The following PXK variants were observed in gnomAD, a reference collection of about 807,000 sequenced individuals.
PXK encodes PX domain containing serine/threonine kinase like.
A neutral mutation model predicts 84.7 loss-of-function variants in PXK; 35 were observed. The observed-to-expected ratio is 0.41, with a 90% confidence interval of 0.32 to 0.55. The LOEUF is 0.55. PXK is among the 20% of genes least tolerant of loss of function. PXK has a pLI of 0.21. For synonymous variants in PXK, 253 were observed against 260.8 expected (o/e 0.97, Z 0.29); for missense variants, 634 against 699.7 (o/e 0.91, Z 1.06).
At chr3:58,334,893 C>T (rs1044231438) in intron 1 of PXK, among the ~76,000 whole-genome samples, 8 of 150,780 alleles carry the variant, frequency 5.3e-5, no homozygotes, top group African/African-American at 1.5e-4. Context: ...AGCTAGGTGG[C>T]GAAAGATGTA....
In PXK at chr3:58,379,856, T is replaced by C. The variant is rs1437451023; in HGVS notation, c.202-2658T>C. ...ATCTGTAGTCCCAGCTACAGGTGTG[T>C]ACCACTTGTAGAGGCTGAGGTGACA... On this transcript the variant is annotated intron_variant, in intron 3 of 17. Coordinates refer to ENST00000356151, the MANE Select transcript of PXK (RefSeq NM_017771.5). This position sits in a 1 kb window ranked among gnomAD's most constrained non-coding sequence, Gnocchi z 5.1. Among the ~76,000 whole-genome samples, 1 of 151,968 alleles carries C rather than the reference T, an allele frequency of 6.6e-6. No homozygotes were observed. The highest frequency in any genetic ancestry group is 2.4e-5 in the African/African-American group (1 of 41,366).
At position 58,425,234 on chromosome 3, in the gene PXK, G is replaced by A. The variant is rs2062669500; in HGVS notation, c.*274G>A. ...TAATGGCCAGGCTTTTGGGACAGCA[G>A]CATATTGAAATATTTTCACCAACTA... On this transcript the variant is annotated 3_prime_UTR_variant, in exon 18 of 18. Transcript: ENST00000356151. 7 of 381,646 alleles carry A rather than the reference G, an allele frequency of 1.8e-5. No homozygotes were observed. The highest frequency in any genetic ancestry group is 1.8e-4 in the South Asian group (6 of 33,040). 23.6% of individuals were successfully genotyped at this position (381,646 alleles called of 1,614,324 possible). A position where few individuals can be genotyped will look rare whatever the true frequency, so the allele number is the denominator to read the frequency against.
At chr3:58,423,551 G>T in intron 17 of PXK, 1 of 1,530,836 alleles carries the variant, frequency 6.5e-7, no homozygotes, top group Non-Finnish European at 8.7e-7. Flanking sequence ...TGGTGAAAAG[G>T]ATGTACTTAC....
intron 1 of PXK, among the ~76,000 whole-genome samples, chr3:58,352,234 T>A (rs2097945569): frequency 6.6e-6 from 1 of 152,136 alleles, no homozygotes; most frequent in African/African-American, 2.4e-5. Flanking sequence ...GGCCTGTCTT[T>A]GAGGCAGTGG....
In PXK at chr3:58,364,618, A is replaced by C. The variant is rs1159058584; in HGVS notation, c.103-1256A>C. Among the ~76,000 whole-genome samples the C allele has an allele frequency of 6.6e-6, 1 of 152,134 alleles. No homozygotes were observed. Among genetic ancestry groups the C allele is most frequent in the Non-Finnish European group, 1.5e-5 (1 of 68,006 alleles). ...TCCCAGCTACTCAGGAGGCTGAGGC[A>C]GGAGAATTGCTTGAACCCAGGAGGC... is the stretch of plus-strand genomic sequence containing the variant. On this transcript the variant is annotated intron_variant, in intron 1 of 17. Transcript: ENST00000356151. The surrounding 1 kb of genome is among the most constrained non-coding windows in gnomAD (Gnocchi z 4.3).
chr3:58,336,441 C>A (rs2097612703), intron 1 of PXK, among the ~76,000 whole-genome samples: 1 of 152,084 alleles, frequency 6.6e-6, no homozygotes, highest in African/African-American at 2.4e-5. Flanking sequence ...GCATTAAGAG[C>A]TAGACCAGCC....
intron 3 of PXK, among the ~76,000 whole-genome samples, chr3:58,378,553 T>TGTGTGTGTGTGA (rs1471620101): frequency 1.5e-5 from 2 of 131,390 alleles, no homozygotes; most frequent in South Asian, 2.6e-4. Context: ...TGTGTGTGTG[T>TGTGTGTGTGTGA]GACGAAGTTT....
chr3:58,355,103 A>G (rs948854886), intron 1 of PXK, among the ~76,000 whole-genome samples: 1 of 150,344 alleles, frequency 6.7e-6, no homozygotes, highest in African/African-American at 2.5e-5. Context: ...CAGCCTGGGC[A>G]ACAAAGTGAG....
At chr3:58,357,977 C>CA (rs1167287106) in intron 1 of PXK, among the ~76,000 whole-genome samples, 4 of 149,016 alleles carry the variant, frequency 2.7e-5, no homozygotes, top group African/African-American at 7.6e-5. Context: ...AACAAAAAAA[C>CA]AAAAAAACAA....
Position 58,412,948 on chromosome 3 carries a change from C to G in PXK, c.1513C>G (p.Pro505Ala). The change falls in exon 17 of 18, where the codon CCA becomes GCA. Residue 505 changes from proline (P) to alanine (A), a missense_variant. This residue lies in a region of PXK where 273 missense variants were observed against 283.6 expected (regional missense o/e 0.96). Transcript: ENST00000356151. This position sits in a 1 kb window ranked among gnomAD's most constrained non-coding sequence, Gnocchi z 6.2. ...TCTCACGTCCCCGTCATCGCCAACT[C>G]CACCCTCTACATCAGGTTAGTGATG... ...SPLTSPSSPT[P>A]PSTSGISALP... 1 of 1,614,154 alleles carries G rather than the reference C, an allele frequency of 6.2e-7. No individual in the cohort carries two copies.
intron 17 of PXK, among the ~76,000 whole-genome samples, chr3:58,419,736 T>C (rs1014311648): frequency 6.6e-6 from 1 of 152,210 alleles, no homozygotes; most frequent in African/African-American, 2.4e-5. Flanking sequence ...GAGGGCCTCT[T>C]TTCCGTTTCC....
intron 3 of PXK, among the ~76,000 whole-genome samples, chr3:58,374,228 G>A (rs993805569): frequency 2.7e-5 from 4 of 146,850 alleles, no homozygotes; most frequent in African/African-American, 5.0e-5. Context: ...GGAGTGCAGT[G>A]AGCCGAGATC....
chr3:58,342,982 A>G (rs1175764451), intron 1 of PXK, among the ~76,000 whole-genome samples: 1 of 152,214 alleles, frequency 6.6e-6, no homozygotes, highest in East Asian at 1.9e-4. Flanking sequence ...TAATATTTAA[A>G]CAAGGCTGCT....
intron 1 of PXK, among the ~76,000 whole-genome samples, chr3:58,348,265 T>A (rs1171279028): frequency 6.6e-6 from 1 of 152,198 alleles, no homozygotes; most frequent in Admixed American, 6.5e-5. Context: ...TAAGCTGATC[T>A]GTTGTCAGGG....
Position 58,425,244 on chromosome 3 carries a change from A to G in PXK, c.*284A>G. The G allele has an allele frequency of 5.5e-6, 2 of 364,928 alleles. 1 individual carries two copies. Among genetic ancestry groups the G allele is most frequent in the East Asian group, 1.2e-4 (2 of 17,058 alleles). The allele number at this position is 364,928 out of a possible 1,614,324, so 22.6% of individuals were successfully genotyped here. ...GCTTTTGGGACAGCAGCATATTGAAATATTTTCACCAACTAAAGGAAATAG... is the reference window on the plus strand; with the variant it reads ...GCTTTTGGGACAGCAGCATATTGAAGTATTTTCACCAACTAAAGGAAATAG... On this transcript the variant is annotated 3_prime_UTR_variant, in exon 18 of 18. Transcript: ENST00000356151.
intron 1 of PXK, among the ~76,000 whole-genome samples, chr3:58,360,046 G>A (rs1231503452): frequency 6.6e-6 from 1 of 152,118 alleles, no homozygotes; most frequent in Non-Finnish European, 1.5e-5. Flanking sequence ...CACTCAGGAG[G>A]CTGAGGTGGG....
At position 58,391,180 on chromosome 3, in the gene PXK, AGATT is replaced by A; in HGVS notation, c.501_504del (p.Ile168LysfsTer8). 6.2e-7 allele frequency: 1 copy of A among 1,613,806 alleles called. No homozygotes were observed. Among genetic ancestry groups the A allele is most frequent in the Non-Finnish European group, 8.5e-7 (1 of 1,179,786 alleles). On this transcript the variant is annotated frameshift_variant, in exon 6 of 18. Transcript: ENST00000356151. LOFTEE classifies it high-confidence loss of function. ...ATAAGGAAGAAATATTTCTTGATGAAGATTAAAAATCAGCCAAAGGAACGGCTAG... is the reference window on the plus strand; with the variant it reads ...ATAAGGAAGAAATATTTCTTGATGAAAAAAATCAGCCAAAGGAACGGCTAG...
chr3:58,381,901 C>G (rs1413791077), intron 3 of PXK, among the ~76,000 whole-genome samples: 2 of 152,028 alleles, frequency 1.3e-5, no homozygotes, highest in Admixed American at 1.3e-4. Flanking sequence ...CACCTGGTAG[C>G]AGGGGTAAGG....
chr3:58,346,911 T>C (rs1314456203), intron 1 of PXK, among the ~76,000 whole-genome samples: 2 of 152,172 alleles, frequency 1.3e-5, no homozygotes, highest in Non-Finnish European at 2.9e-5. Flanking sequence ...CGATCTCGGC[T>C]CACTGCAACC....
Sources: allele counts gnomAD v4.1 joint callset (sites outside exome capture counted in the v4.1 genomes callset), GRCh38; gene constraint gnomAD v4.1.1; regional missense constraint gnomAD v4.1.1; non-coding constraint Gnocchi (gnomAD v3.1); transcripts MANE v1.5; gene names NCBI Gene and HGNC (gene_info 2026-07-23, HGNC 2026-07-21).